Variants in RAPGEF2 observed in about 807,000 individuals in gnomAD.
RAPGEF2 encodes the protein Rap guanine nucleotide exchange factor 2.
RAPGEF2 carries 54 observed loss-of-function variants against 186.7 expected under a neutral mutation model. The ratio of observed to expected loss-of-function variants is 0.29; its 90% CI spans 0.23 to 0.36. The LOEUF (loss-of-function observed/expected upper bound fraction) is 0.36, where lower values mean the gene tolerates loss of function less well. RAPGEF2 is among the 10% of genes least tolerant of loss of function. The probability of loss-of-function intolerance (pLI) is 1.00; values close to 1 mark genes in which losing one functional copy is unlikely to be tolerated. For synonymous variants in RAPGEF2, 712 were observed against 705.9 expected (o/e 1.01, Z -0.14); for missense variants, 1,532 against 2,045.0 (o/e 0.75, Z 4.84).
At chr4:159,164,944 C>CA (rs1745141227) in intron 1 of RAPGEF2, among the ~76,000 whole-genome samples, 1 of 152,250 alleles carries the variant, frequency 6.6e-6, no homozygotes, top group Middle Eastern at 3.4e-3. Context: ...GTATAAAATA[C>CA]AGCAGTGTAT....
At chr4:159,105,837 C>T (rs1345631116) in intron 1 of RAPGEF2, among the ~76,000 whole-genome samples, 3 of 152,170 alleles carry the variant, frequency 2.0e-5, no homozygotes, top group Non-Finnish European at 4.4e-5. Flanking sequence ...ATTACGCATG[C>T]TGAGAATATT....
At chr4:159,315,604 G>C in intron 9 of RAPGEF2, among the ~76,000 whole-genome samples, 1 of 152,110 alleles carries the variant, frequency 6.6e-6, no homozygotes, top group Non-Finnish European at 1.5e-5. Flanking sequence ...GGTATTTATT[G>C]GATACAAAAC....
chr4:159,295,746 TGTGTGTGTGCGCGCGC>T (rs1182292336), intron 7 of RAPGEF2, among the ~76,000 whole-genome samples: 23 of 125,626 alleles, frequency 1.8e-4, no homozygotes, highest in African/African-American at 3.0e-4. Flanking sequence ...TGTGTGTGTG[TGTGTGTGTGCGCGCGC>T]GCGCGCGCGC....
intron 4 of RAPGEF2, among the ~76,000 whole-genome samples, chr4:159,221,593 G>A (rs1751545078): frequency 6.6e-6 from 1 of 152,164 alleles, no homozygotes; most frequent in Non-Finnish European, 1.5e-5. Flanking sequence ...GGAGAAAGAG[G>A]AAAATGGATA....
chr4:159,105,580 G>C (rs144397192), intron 1 of RAPGEF2, among the ~76,000 whole-genome samples: 1,579 of 152,294 alleles, frequency 0.01, 28 homozygotes, highest in African/African-American at 0.035. Flanking sequence ...TCTGTCTCCA[G>C]AAAGTTCCCA....
chr4:159,285,225 A>C (rs1760299796), intron 7 of RAPGEF2, among the ~76,000 whole-genome samples: 1 of 152,202 alleles, frequency 6.6e-6, no homozygotes, highest in African/African-American at 2.4e-5. Flanking sequence ...TAAGCACCAG[A>C]GAATCACAGA....
At chr4:159,317,259 A>G (rs951284719) in intron 9 of RAPGEF2, among the ~76,000 whole-genome samples, 1 of 152,214 alleles carries the variant, frequency 6.6e-6, no homozygotes, top group African/African-American at 2.4e-5. Context: ...TTATAGATGA[A>G]TATTGTATGG....
intron 25 of RAPGEF2, among the ~76,000 whole-genome samples, chr4:159,349,511 T>C (rs1730870678): frequency 6.6e-6 from 1 of 152,198 alleles, no homozygotes; most frequent in Admixed American, 6.5e-5. Flanking sequence ...CACTTCCTTC[T>C]TCTGAAACCT....
At chr4:159,208,839 G>A (rs1345574742) in intron 3 of RAPGEF2, among the ~76,000 whole-genome samples, 1 of 151,698 alleles carries the variant, frequency 6.6e-6, no homozygotes, top group Non-Finnish European at 1.5e-5. Context: ...CATGTTTTCA[G>A]AAGGCCAATT....
chr4:159,305,639 T>C (rs77167629), intron 8 of RAPGEF2, among the ~76,000 whole-genome samples: 135 of 152,290 alleles, frequency 8.9e-4, no homozygotes, highest in African/African-American at 2.9e-3. Flanking sequence ...GTGTTCACTC[T>C]GTTGATTATT....
intron 1 of RAPGEF2, among the ~76,000 whole-genome samples, chr4:159,117,059 C>G (rs1034661316): frequency 4.6e-5 from 7 of 152,104 alleles, no homozygotes; most frequent in African/African-American, 1.7e-4. Context: ...TAAGTTGTAT[C>G]TTATAGTTAT....
chr4:159,167,258 G>C (rs1561035272), intron 1 of RAPGEF2, among the ~76,000 whole-genome samples: 1 of 152,204 alleles, frequency 6.6e-6, no homozygotes, highest in Non-Finnish European at 1.5e-5. Context: ...CATGTGGCCA[G>C]TTTTTTGGGG....
At chr4:159,170,408 A>G (rs1034546215) in intron 1 of RAPGEF2, among the ~76,000 whole-genome samples, 10 of 152,368 alleles carry the variant, frequency 6.6e-5, no homozygotes, top group East Asian at 1.9e-4. Flanking sequence ...TAAAAAACCA[A>G]TAAACAAACA....
chr4:159,295,742 TGTGTGTGTGTGTGCGCGCGCGCGC>T (rs1489670303), intron 7 of RAPGEF2, among the ~76,000 whole-genome samples: 4 of 133,460 alleles, frequency 3.0e-5, no homozygotes, highest in Admixed American at 7.0e-5. Flanking sequence ...TGTGTGTGTG[TGTGTGTGTGTGTGCGCGCGCGCGC>T]GCGCGCGCAT....
intron 4 of RAPGEF2, among the ~76,000 whole-genome samples, chr4:159,221,635 C>G (rs554271398): frequency 6.6e-6 from 1 of 152,178 alleles, no homozygotes; most frequent in Non-Finnish European, 1.5e-5. Flanking sequence ...CTCTGTTACA[C>G]CTGCTGTTCA....
intron 7 of RAPGEF2, among the ~76,000 whole-genome samples, chr4:159,252,467 C>T (rs1755576732): frequency 2.6e-5 from 4 of 152,188 alleles, no homozygotes; most frequent in Non-Finnish European, 4.4e-5. Flanking sequence ...ATGAAATAAG[C>T]ATATCCCTAA....
chr4:159,143,534 A>G (rs761307376), intron 1 of RAPGEF2, among the ~76,000 whole-genome samples: 4 of 152,238 alleles, frequency 2.6e-5, no homozygotes, highest in Non-Finnish European at 1.5e-5. Context: ...TGGTCAATTA[A>G]TAAAAGGAGG....
At chr4:159,195,444 G>C (rs1231386884) in intron 3 of RAPGEF2, among the ~76,000 whole-genome samples, 1 of 152,130 alleles carries the variant, frequency 6.6e-6, no homozygotes, top group African/African-American at 2.4e-5. Context: ...CATTTAACAC[G>C]CACTTCCTAT....
intron 4 of RAPGEF2, among the ~76,000 whole-genome samples, chr4:159,237,381 A>G (rs1753395497): frequency 6.6e-6 from 1 of 152,156 alleles, no homozygotes; most frequent in African/African-American, 2.4e-5. Flanking sequence ...TTATTAAGGA[A>G]AAGGACTTAA....
Sources: gnomAD v4.1 joint callset for allele counts (sites outside exome capture counted in the v4.1 genomes callset) on GRCh38, gnomAD v4.1.1 for gene constraint, MANE v1.5 for transcripts, NCBI Gene and HGNC (gene_info 2026-07-23, HGNC 2026-07-21) for gene names.